ACTN2: variants seen among roughly 807,000 people sequenced by gnomAD.
ACTN2 encodes alpha-actinin-2.
In ACTN2, 39 loss-of-function variants were observed where a neutral mutation model predicts 113.8. That is an observed-to-expected ratio of 0.34 (90% CI 0.27 to 0.45). The LOEUF is 0.45. Ranked by LOEUF, ACTN2 falls within the 20% of genes least tolerant of loss-of-function variation. The probability of loss-of-function intolerance (pLI) is 1.00; values close to 1 mark genes in which losing one functional copy is unlikely to be tolerated. For synonymous variants in ACTN2, 429 were observed against 444.1 expected (o/e 0.97, Z 0.43); for missense variants, 992 against 1,177.9 (o/e 0.84, Z 2.31).
intron 7 of ACTN2, among the ~76,000 whole-genome samples, chr1:236,733,704 G>A (rs1039965921): frequency 3.9e-5 from 6 of 152,156 alleles, no homozygotes; most frequent in African/African-American, 1.4e-4. Flanking sequence ...CCTTCTATCA[G>A]CAGTTTAAAA....
At chr1:236,745,266 C>G (rs1179787940) in intron 12 of ACTN2, among the ~76,000 whole-genome samples, 2 of 152,050 alleles carry the variant, frequency 1.3e-5, no homozygotes, top group Non-Finnish European at 2.9e-5. Context: ...AACCCCGTCT[C>G]TACTAAAAAT....
chr1:236,702,866 G>A (rs776340363), intron 1 of ACTN2, among the ~76,000 whole-genome samples: 7 of 152,180 alleles, frequency 4.6e-5, no homozygotes, highest in Non-Finnish European at 2.9e-5. Context: ...ACAGAGAGCT[G>A]TTTCATTCTA....
intron 8 of ACTN2, among the ~76,000 whole-genome samples, chr1:236,736,027 GAATGGTA>G (rs1238688052): frequency 6.6e-6 from 1 of 152,204 alleles, no homozygotes; most frequent in Non-Finnish European, 1.5e-5. Context: ...CACATGCATT[GAATGGTA>G]AAGGGGGAAT....
intron 1 of ACTN2, among the ~76,000 whole-genome samples, chr1:236,710,587 G>C (rs1657994338): frequency 6.6e-6 from 1 of 152,154 alleles, no homozygotes; most frequent in Non-Finnish European, 1.5e-5. Context: ...CATCCTCCGG[G>C]TCTCCAGATC....
intron 1 of ACTN2, among the ~76,000 whole-genome samples, chr1:236,706,005 G>A (rs1340783305): frequency 6.6e-6 from 1 of 152,106 alleles, no homozygotes; most frequent in African/African-American, 2.4e-5. Context: ...TCAAGTGCTG[G>A]GAGAACCATC....
At position 236,721,977 on chromosome 1, in the gene ACTN2, T is replaced by C. The variant is rs574813885; in HGVS notation, c.448+1786T>C. ...CCAAAGCAAGATAGCTAAATCACAA[T>C]ATTTTGTAAAATTTTGCGATAAAAG... On this transcript the variant is annotated intron_variant, in intron 4 of 20. Transcript: ENST00000366578. Among the ~76,000 whole-genome samples the C allele has an allele frequency of 2.0e-5, 3 of 152,260 alleles. No individual in the cohort carries two copies. The South Asian group carries it at 6.2e-4, about 32-fold the overall frequency.
intron 10 of ACTN2, among the ~76,000 whole-genome samples, chr1:236,741,045 T>C (rs934766119): frequency 6.6e-6 from 1 of 152,084 alleles, no homozygotes; most frequent in African/African-American, 2.4e-5. Flanking sequence ...GCTTGTTTTT[T>C]CTTTTTCCTT....
intron 18 of ACTN2, 132 bp downstream of exon 18, chr1:236,757,764 A>G: frequency 7.9e-7 from 1 of 1,267,010 alleles, no homozygotes; most frequent in Non-Finnish European, 1.1e-6. Flanking sequence ...TTAATGACAA[A>G]AGAAAATAGC....
Position 236,694,024 on chromosome 1 carries a change from T to C in ACTN2, c.126+7225T>C, listed in dbSNP as rs1449568737. Among the ~76,000 whole-genome samples, 3 of 152,048 alleles carry C rather than the reference T, an allele frequency of 2.0e-5. No homozygotes were observed. The East Asian group carries it at 5.8e-4, about 29-fold the overall frequency. On this transcript the variant is annotated intron_variant, in intron 1 of 20. Coordinates refer to ENST00000366578, the MANE Select transcript of ACTN2 (RefSeq NM_001103.4). ...CTGACTCGAGCCCTTGTCTCTTCCA[T>C]AGACCCTCCCTCCTCCACCTATCTT...
chr1:236,725,916 C>G lies in ACTN2; in HGVS notation c.449-17C>G, dbSNP rs755253743. On this transcript the variant is annotated splice_polypyrimidine_tract_variant and intron_variant, in intron 4 of 20. Transcript: ENST00000366578. Reference sequence around the variant, plus strand: ...CGGCATTTCCCTGGGGCCACTTTTTCTTGGCTGTCATTACAGAAACATCTG... The same window carrying G: ...CGGCATTTCCCTGGGGCCACTTTTTGTTGGCTGTCATTACAGAAACATCTG... 1.9e-6 allele frequency: 3 copies of G among 1,613,524 alleles called. No individual in the cohort carries two copies. Among genetic ancestry groups the G allele is most frequent in the African/African-American group, 1.3e-5 (1 of 75,038 alleles).
chr1:236,703,885 C>T (rs1193778604), intron 1 of ACTN2, among the ~76,000 whole-genome samples: 1 of 151,938 alleles, frequency 6.6e-6, no homozygotes, highest in Non-Finnish European at 1.5e-5. Context: ...ATTAAGGACT[C>T]CTGCAAATGG....
chr1:236,698,224 TA>T (rs11439443), intron 1 of ACTN2, among the ~76,000 whole-genome samples: 1 of 147,402 alleles, frequency 6.8e-6, no homozygotes, highest in African/African-American at 2.5e-5. Flanking sequence ...TAAGATGCCT[TA>T]AAAAAAAAAA....
chr1:236,729,703 T>G (rs1455676143), intron 6 of ACTN2, among the ~76,000 whole-genome samples: 1 of 152,236 alleles, frequency 6.6e-6, no homozygotes, highest in East Asian at 1.9e-4. Flanking sequence ...TTCCCAGCTT[T>G]TCAATGGATG....
At chr1:236,713,017 TA>T (rs1658080412) in intron 1 of ACTN2, among the ~76,000 whole-genome samples, 1 of 151,840 alleles carries the variant, frequency 6.6e-6, no homozygotes, top group Non-Finnish European at 1.5e-5. Context: ...AAAATTCCTT[TA>T]AAGTAATTTT....
At chr1:236,734,428 C>G in intron 7 of ACTN2, 1 of 1,531,182 alleles carries the variant, frequency 6.5e-7, no homozygotes, top group Admixed American at 2.0e-5. Context: ...CTTTTCTCCA[C>G]ACAGATTTAG....
intron 1 of ACTN2, among the ~76,000 whole-genome samples, chr1:236,704,244 G>A (rs1477711116): frequency 6.6e-6 from 1 of 152,196 alleles, no homozygotes; most frequent in Non-Finnish European, 1.5e-5. Flanking sequence ...CTTCATGGAA[G>A]TTGAGTGTGG....
chr1:236,691,807 G>T (rs1002704712), intron 1 of ACTN2, among the ~76,000 whole-genome samples: 2 of 152,196 alleles, frequency 1.3e-5, no homozygotes, highest in Non-Finnish European at 2.9e-5. Flanking sequence ...CCAGGACTCA[G>T]GTCTCCCAAA....
In ACTN2 at chr1:236,755,042, G is replaced by C. The variant is rs1659511741; in HGVS notation, c.1998G>C (p.Gln666His). 1 of 1,614,198 alleles carries C rather than the reference G, an allele frequency of 6.2e-7. No individual in the cohort carries two copies. Among genetic ancestry groups the C allele is most frequent in the Admixed American group, 1.7e-5 (1 of 60,030 alleles). Reference protein sequence around the residue: ...KMEEIARSSIQITGALEDQMN... With the variant: ...KMEEIARSSIHITGALEDQMN... Reference sequence around the variant, plus strand: ...AGGAGATTGCCCGGAGCTCCATCCAGATCACAGGAGCCCTGGAAGACCAGA... The same window carrying C: ...AGGAGATTGCCCGGAGCTCCATCCACATCACAGGAGCCCTGGAAGACCAGA... Residue 666 changes from glutamine to histidine, a missense_variant, in exon 17 of 21, where the codon CAG (glutamine) becomes CAC (histidine). Gln to His is a conservative substitution (Grantham distance 24, BLOSUM62 0). Coordinates refer to ENST00000366578, the MANE Select transcript of ACTN2 (RefSeq NM_001103.4).
At chr1:236,747,947 C>T (rs1238444898) in intron 13 of ACTN2, 172 bp downstream of exon 13, 2 of 632,696 alleles carry the variant, frequency 3.2e-6, no homozygotes, top group South Asian at 1.8e-5. Context: ...AAGTTGGGAG[C>T]TTTGTGCTGT....
Sources: gnomAD v4.1 joint callset for allele counts (sites outside exome capture counted in the v4.1 genomes callset) on GRCh38, gnomAD v4.1.1 for gene constraint, MANE v1.5 for transcripts, NCBI Gene and HGNC (gene_info 2026-07-23, HGNC 2026-07-21) for gene names.